The following STXBP6 variants were observed in gnomAD, a reference collection of about 807,000 sequenced individuals.
STXBP6 encodes syntaxin binding protein 6, also known as syntaxin-binding protein 6.
A neutral mutation model predicts 26.9 loss-of-function variants in STXBP6; 21 were observed. The observed-to-expected ratio is 0.78, with a 90% CI of 0.55 to 1.12. STXBP6 has a LOEUF of 1.12. Among genes scored for constraint, STXBP6 ranks in the 50% most tolerant of loss-of-function variants. The pLI is 0.00. For missense variants in STXBP6, 232 were observed against 257.9 expected (o/e 0.90, Z 0.69); for synonymous variants, 97 against 92.6 (o/e 1.05, Z -0.27).
chr14:24,919,024 T>C (rs968568855), intron 2 of STXBP6, among the ~76,000 whole-genome samples: 4 of 152,086 alleles, frequency 2.6e-5, no homozygotes, highest in African/African-American at 7.2e-5. Context: ...TCTACTGTTA[T>C]CATAATGGAG....
intron 4 of STXBP6, among the ~76,000 whole-genome samples, chr14:24,850,139 G>A (rs994826943): frequency 1.3e-5 from 2 of 152,044 alleles, no homozygotes; most frequent in Non-Finnish European, 1.5e-5. Flanking sequence ...CACGCACAAG[G>A]TGAAATAGTT....
In STXBP6 at chr14:25,046,732, T is replaced by A. The variant is rs549565199; in HGVS notation, c.-33+3146A>T. Among the ~76,000 whole-genome samples, 11 of 152,246 alleles carry A rather than the reference T, an allele frequency of 7.2e-5. No homozygotes were observed. The East Asian group carries it at 2.1e-3, about 29-fold the overall frequency. ...AAATTCAAGGCCACAGTCTAGGTCA[T>A]AGGAAGTCATGGTGAGCTCACAGCA... On this transcript the variant is annotated intron_variant, in intron 1 of 5. Coordinates refer to ENST00000323944, the MANE Select transcript of STXBP6 (RefSeq NM_001394410.1).
chr14:24,822,574 A>G (rs1380154540), intron 4 of STXBP6, among the ~76,000 whole-genome samples: 1 of 152,154 alleles, frequency 6.6e-6, no homozygotes, highest in Non-Finnish European at 1.5e-5. Context: ...AATTTGTCTG[A>G]TCTGTAAAAT....
chr14:24,910,932 T>TGG (rs1193883354), intron 2 of STXBP6, among the ~76,000 whole-genome samples: 2 of 152,112 alleles, frequency 1.3e-5, no homozygotes, highest in Non-Finnish European at 2.9e-5. Flanking sequence ...GGTGGTATGG[T>TGG]TTTAGCTGTT....
intron 2 of STXBP6, among the ~76,000 whole-genome samples, chr14:24,891,893 A>G (rs974371154): frequency 6.6e-6 from 1 of 152,170 alleles, no homozygotes; most frequent in Non-Finnish European, 1.5e-5. Context: ...TCCTGGAATG[A>G]CTTTCCTGCT....
chr14:24,955,281 GATGGC>G (rs2073304335), intron 2 of STXBP6, among the ~76,000 whole-genome samples: 2 of 152,094 alleles, frequency 1.3e-5, no homozygotes, highest in South Asian at 4.1e-4. Flanking sequence ...ACCTCCTGGG[GATGGC>G]TACCCTGCTT....
At chr14:25,000,914 C>T (rs2074745784) in intron 1 of STXBP6, among the ~76,000 whole-genome samples, 1 of 151,930 alleles carries the variant, frequency 6.6e-6, no homozygotes, top group South Asian at 2.1e-4. Flanking sequence ...TTTGTTGAAC[C>T]TAAGCACAGA....
At chr14:25,005,116 TA>T (rs955094210) in intron 1 of STXBP6, among the ~76,000 whole-genome samples, 3 of 151,744 alleles carry the variant, frequency 2.0e-5, no homozygotes, top group Non-Finnish European at 1.5e-5. Flanking sequence ...ATATAATTCT[TA>T]AAAAAAAATT....
At chr14:24,999,493 T>C (rs373427376) in intron 1 of STXBP6, among the ~76,000 whole-genome samples, 1 of 152,076 alleles carries the variant, frequency 6.6e-6, no homozygotes, top group East Asian at 1.9e-4. Context: ...GACTAAAACA[T>C]GAATGCTGCT....
chr14:24,895,473 T>G (rs2070954518), intron 2 of STXBP6, among the ~76,000 whole-genome samples: 1 of 152,210 alleles, frequency 6.6e-6, no homozygotes, highest in Non-Finnish European at 1.5e-5. Flanking sequence ...TCGCAATAAC[T>G]TTCTCTTCTG....
At chr14:24,939,969 GAA>G (rs995221987) in intron 2 of STXBP6, among the ~76,000 whole-genome samples, 3 of 152,198 alleles carry the variant, frequency 2.0e-5, no homozygotes, top group African/African-American at 7.2e-5. Flanking sequence ...TCCTCAAAAA[GAA>G]GAGTCCTGGT....
chr14:24,809,854 CTTAT>C lies in STXBP6; in HGVS notation c.*2851_*2854del, dbSNP rs1455990188. 4 of 152,128 alleles carry C rather than the reference CTTAT, an allele frequency of 2.6e-5. No homozygotes were observed. Among genetic ancestry groups the C allele is most frequent in the Non-Finnish European group, 5.9e-5 (4 of 68,028 alleles). 9.4% of individuals were successfully genotyped at this position (152,128 alleles called of 1,614,324 possible). A position where few individuals can be genotyped will look rare whatever the true frequency, so the allele number is the denominator to read the frequency against. ...AGAGCTAAACCTATCTTTAATGCCC[CTTAT>C]TTAGAGCATCCTGTAAATAATTTTA... On this transcript the variant is annotated 3_prime_UTR_variant, in exon 6 of 6. Coordinates refer to ENST00000323944, the MANE Select transcript of STXBP6 (RefSeq NM_001394410.1).
At chr14:24,894,367 G>A (rs1272572422) in intron 2 of STXBP6, among the ~76,000 whole-genome samples, 3 of 152,190 alleles carry the variant, frequency 2.0e-5, no homozygotes, top group Non-Finnish European at 2.9e-5. Flanking sequence ...AGAGGGTGAT[G>A]TAGTAAACCA....
At position 24,980,474 on chromosome 14, in the gene STXBP6, C is replaced by G. The variant is rs371732373; in HGVS notation, c.-32-5624G>C. Among the ~76,000 whole-genome samples the G allele has an allele frequency of 4.3e-4, 66 of 152,316 alleles. 1 individual carries two copies. Among genetic ancestry groups the G allele is most frequent in the African/African-American group, 1.6e-3 (65 of 41,568 alleles). On this transcript the variant is annotated intron_variant, in intron 1 of 5. Coordinates refer to ENST00000323944, the MANE Select transcript of STXBP6 (RefSeq NM_001394410.1). ...CCAGTTTTTCCATGTAATTCAACTACTACTCTTAACTACTAGTTCTTATAA... is the reference window on the plus strand; with the variant it reads ...CCAGTTTTTCCATGTAATTCAACTAGTACTCTTAACTACTAGTTCTTATAA...
chr14:25,033,066 G>C (rs1324799716), intron 1 of STXBP6, among the ~76,000 whole-genome samples: 1 of 152,156 alleles, frequency 6.6e-6, no homozygotes, highest in East Asian at 1.9e-4. Flanking sequence ...AGGTACATGA[G>C]TGGCTATTAT....
intron 2 of STXBP6, among the ~76,000 whole-genome samples, chr14:24,881,094 G>A (rs2070339915): frequency 6.6e-6 from 1 of 151,762 alleles, no homozygotes; most frequent in African/African-American, 2.4e-5. Flanking sequence ...CCTCCAGTGA[G>A]CTGTCCAGAG....
chr14:24,817,586 C>T (rs78459275), intron 5 of STXBP6: 4,862 of 164,800 alleles, frequency 0.03, 188 homozygotes, highest in East Asian at 0.19. Flanking sequence ...CACTATCCGT[C>T]TCCCACTGAA....
chr14:24,899,812 A>AG (rs55792889), intron 2 of STXBP6, among the ~76,000 whole-genome samples: 10,858 of 143,168 alleles, frequency 0.076, 786 homozygotes, highest in African/African-American at 0.19. Context: ...AAAAAAAAAA[A>AG]AAAAGAGTAA....
At chr14:24,830,583 T>G (rs1004553767) in intron 4 of STXBP6, among the ~76,000 whole-genome samples, 5 of 152,184 alleles carry the variant, frequency 3.3e-5, no homozygotes, top group Non-Finnish European at 1.5e-5. Flanking sequence ...TGAACAGATA[T>G]GAGAATCAAG....
Sources: gnomAD v4.1 joint callset for allele counts (sites outside exome capture counted in the v4.1 genomes callset) on GRCh38, gnomAD v4.1.1 for gene constraint, MANE v1.5 for transcripts, NCBI Gene and HGNC (gene_info 2026-07-23, HGNC 2026-07-21) for gene names.